The following PFKFB3 variants were observed in gnomAD, a reference collection of about 807,000 sequenced individuals.
PFKFB3 encodes the protein 6-phosphofructo-2-kinase/fructose-2,6-biphosphatase 3.
Under a neutral mutation model 68.0 loss-of-function variants are expected in PFKFB3, and 33 were observed. That is an observed-to-expected ratio of 0.49 (90% CI 0.37 to 0.65). PFKFB3 has a LOEUF of 0.65. Ranked by LOEUF, PFKFB3 falls within the 30% of genes least tolerant of loss-of-function variation. The pLI is 0.00. For synonymous variants in PFKFB3, 315 were observed against 288.2 expected, an observed-to-expected ratio of 1.09 and a Z score of -0.94; for missense variants, 586 against 712.2, an observed-to-expected ratio of 0.82 and a Z score of 2.02.
intron 1 of PFKFB3, among the ~76,000 whole-genome samples, chr10:6,206,616 G>T (rs7921279): frequency 0.17 from 25,099 of 147,476 alleles, 2,169 homozygotes; most frequent in Non-Finnish European, 0.24. Flanking sequence ...CGGGGTGGCT[G>T]CCGGGCGGAG....
chr10:6,224,461 A>C, intron 13 of PFKFB3: 1 of 635,418 alleles, frequency 1.6e-6, no homozygotes, highest in Non-Finnish European at 2.8e-6. Context: ...AGATATGAAT[A>C]TTAGTGAGGA....
At chr10:6,224,609 T>C (rs3793720) in intron 13 of PFKFB3, 111,324 of 391,484 alleles carry the variant, frequency 0.28, 16,279 homozygotes, top group Middle Eastern at 0.35. Flanking sequence ...GCCTCCCGCG[T>C]AGCTGAGACT....
At chr10:6,266,473 A>G in the PFKFB3 span, among the ~76,000 whole-genome samples, 1 of 152,076 alleles carries the variant, frequency 6.6e-6, no homozygotes, top group Non-Finnish European at 1.5e-5. Flanking sequence ...CCTCGGTCCT[A>G]GATCTGGTTG....
chr10:6,170,981 A>G (rs1425487273), intron 1 of PFKFB3, among the ~76,000 whole-genome samples: 1 of 152,182 alleles, frequency 6.6e-6, no homozygotes, highest in African/African-American at 2.4e-5. Flanking sequence ...GGGCAAAAGG[A>G]TTACTCCGTG....
rs1845479140 is a variant in PFKFB3, at chr10:6,228,139, C to G, written c.1515+1774C>G. Reference sequence around the variant, plus strand: ...GGCGTGGGGTTTTTCAGGGCTTCGTCCCTGCAGATTGCGCCCTGCCTCCTG... The same window carrying G: ...GGCGTGGGGTTTTTCAGGGCTTCGTGCCTGCAGATTGCGCCCTGCCTCCTG... On this transcript the variant is annotated intron_variant, in intron 14 of 14. Transcript: ENST00000379775. This position sits in a 1 kb window ranked among gnomAD's most constrained non-coding sequence, Gnocchi z 4.5. The G allele has an allele frequency of 1.2e-6, 2 of 1,606,286 alleles. No individual in the cohort carries two copies. The highest frequency in any genetic ancestry group is 2.2e-5 in the East Asian group (1 of 44,850).
At chr10:6,151,411 G>T (rs1841582053) in intron 1 of PFKFB3, among the ~76,000 whole-genome samples, 1 of 151,998 alleles carries the variant, frequency 6.6e-6, no homozygotes, top group African/African-American at 2.4e-5. Context: ...TTGTCAGAAA[G>T]TGAGGTCCTG....
intron 14 of PFKFB3, among the ~76,000 whole-genome samples, chr10:6,253,234 A>T (rs1846418134): frequency 6.6e-6 from 1 of 152,180 alleles, no homozygotes; most frequent in Admixed American, 6.6e-5. Context: ...TGGATCTTTT[A>T]CAACAAGAAC....
chr10:6,202,925 G>A (rs1353964042), upstream of PFKFB3: 2 of 1,202,018 alleles, frequency 1.7e-6, no homozygotes, highest in Non-Finnish European at 2.1e-6. Flanking sequence ...GGTGCGCGGG[G>A]CATCCCAGCC....
chr10:6,146,583 T>A, intron 1 of PFKFB3: 1 of 1,268,592 alleles, frequency 7.9e-7, no homozygotes, highest in East Asian at 2.6e-5. Flanking sequence ...CAGGGGACAA[T>A]CATTTATCTC....
the PFKFB3 span, among the ~76,000 whole-genome samples, chr10:6,264,326 C>A: frequency 0.16 from 24,837 of 152,166 alleles, 3,626 homozygotes; most frequent in African/African-American, 0.37. Flanking sequence ...CTATTCTTGG[C>A]CCGTTGGATT....
At chr10:6,202,023 G>A (rs1843378915), upstream of PFKFB3, among the ~76,000 whole-genome samples, 1 of 152,342 alleles carries the variant, frequency 6.6e-6, no homozygotes, top group South Asian at 2.1e-4. Context: ...GCCTAATAAG[G>A]GGCCGCCCCC....
chr10:6,210,332 CTTTGTTTTTT>C (rs1269481373), intron 1 of PFKFB3, among the ~76,000 whole-genome samples: 11 of 61,968 alleles, frequency 1.8e-4, no homozygotes, highest in African/African-American at 3.3e-4. Flanking sequence ...GCGCCCCTCT[CTTTGTTTTTT>C]TTTGTTTTTT....
chr10:6,223,040 C>CG (rs1244304493), intron 11 of PFKFB3, 56 bp downstream of exon 11: 32 of 1,559,012 alleles, frequency 2.1e-5, no homozygotes, highest in Non-Finnish European at 2.4e-5. Context: ...TGGCACTCGG[C>CG]GGGGGGTCAG....
Position 6,221,372 on chromosome 10 carries a change from A to G in PFKFB3, c.832-9A>G. The stretch of plus-strand genomic sequence containing the variant: ...CTGGAATCAGTGGTCCCCCTCCACC[A>G]CCTCTCAGTTTGCCAGTGCTCTGAG... On this transcript the variant is annotated splice_polypyrimidine_tract_variant and intron_variant, in intron 8 of 14. Transcript: ENST00000379775. 1 of 1,613,346 alleles carries G rather than the reference A, an allele frequency of 6.2e-7. No homozygotes were observed. Among genetic ancestry groups the G allele is most frequent in the East Asian group, 2.2e-5 (1 of 44,854 alleles).
At chr10:6,264,069 A>G in the PFKFB3 span, among the ~76,000 whole-genome samples, 8 of 152,180 alleles carry the variant, frequency 5.3e-5, no homozygotes, top group African/African-American at 1.9e-4. Context: ...GTGAATGATG[A>G]CAAGGGTTTG....
chr10:6,298,596 C>T, the PFKFB3 span, among the ~76,000 whole-genome samples: 1 of 152,056 alleles, frequency 6.6e-6, no homozygotes, highest in Non-Finnish European at 1.5e-5. Context: ...GAACTTCTGG[C>T]CTCAAGCAAT....
chr10:6,271,999 C>T, the PFKFB3 span, among the ~76,000 whole-genome samples: 5 of 152,176 alleles, frequency 3.3e-5, no homozygotes, highest in Non-Finnish European at 5.9e-5. Context: ...GGAATCTGTG[C>T]TTAGCACTGA....
intron 1 of PFKFB3, among the ~76,000 whole-genome samples, chr10:6,167,144 C>G (rs575193940): frequency 6.6e-6 from 1 of 152,252 alleles, no homozygotes; most frequent in East Asian, 1.9e-4. Flanking sequence ...TTTTGCAAAT[C>G]TGACACTCCT....
chr10:6,176,533 G>A (rs561846080), intron 1 of PFKFB3, among the ~76,000 whole-genome samples: 4 of 152,156 alleles, frequency 2.6e-5, no homozygotes, highest in African/African-American at 7.2e-5. Flanking sequence ...CAGCCTCCTA[G>A]GTAGCTGGGA....
Sources: gnomAD v4.1 joint callset for allele counts (sites outside exome capture counted in the v4.1 genomes callset) on GRCh38, gnomAD v4.1.1 for gene constraint, Gnocchi (gnomAD v3.1) non-coding constraint, MANE v1.5 for transcripts, NCBI Gene and HGNC (gene_info 2026-07-23, HGNC 2026-07-21) for gene names.